The following BLTP3A variants were observed in gnomAD, a reference collection of about 807,000 sequenced individuals.
The protein encoded by BLTP3A is bridge-like lipid transfer protein family member 3A.
At chr6:34,859,761 T>C in the BLTP3A span, among the ~76,000 whole-genome samples, 1 of 152,244 alleles carries the variant, frequency 6.6e-6, no homozygotes, top group African/African-American at 2.4e-5. Context: ...TCAGATTATC[T>C]CCTTTTTCAC....
the BLTP3A span, among the ~76,000 whole-genome samples, chr6:34,825,209 T>G: frequency 1.3e-5 from 2 of 152,238 alleles, no homozygotes; most frequent in Non-Finnish European, 2.9e-5. Flanking sequence ...TCTGGTAGAT[T>G]TAAAGGCTTG....
At chr6:34,803,405 T>C in the BLTP3A span, among the ~76,000 whole-genome samples, 1 of 152,118 alleles carries the variant, frequency 6.6e-6, no homozygotes, top group Admixed American at 6.6e-5. Context: ...ATGCCCCCAG[T>C]TGCTCTGATT....
the BLTP3A span, among the ~76,000 whole-genome samples, chr6:34,870,675 C>T: frequency 6.6e-6 from 1 of 152,184 alleles, no homozygotes. Context: ...GGTTCAGATC[C>T]TCTCCTTGCT....
chr6:34,835,588 T>A, the BLTP3A span: 1 of 1,113,692 alleles, frequency 9.0e-7, no homozygotes, highest in Non-Finnish European at 1.2e-6. Context: ...TGGGTATTCA[T>A]AGGCTTTGCC....
At chr6:34,855,781 C>A in the BLTP3A span, 3 of 1,596,482 alleles carry the variant, frequency 1.9e-6, no homozygotes, top group East Asian at 6.8e-5. Flanking sequence ...CATCCCTGAC[C>A]GCTTAACAGG....
chr6:34,867,493 G>A, the BLTP3A span: 18 of 1,614,168 alleles, frequency 1.1e-5, no homozygotes, highest in Non-Finnish European at 1.5e-5. Flanking sequence ...GAAGGTGAAT[G>A]AGGTGTCTTT....
chr6:34,876,689 G>A, the BLTP3A span: 11 of 152,266 alleles, frequency 7.2e-5, no homozygotes, highest in African/African-American at 2.2e-4. Flanking sequence ...GGGTTTCAGA[G>A]AGAATCTGGT....
At chr6:34,819,494 A>T in the BLTP3A span, among the ~76,000 whole-genome samples, 1 of 152,148 alleles carries the variant, frequency 6.6e-6, no homozygotes, top group African/African-American at 2.4e-5. Context: ...CTGTTGGGTC[A>T]TCATTTGGAT....
At chr6:34,840,655 G>A in the BLTP3A span, among the ~76,000 whole-genome samples, 3 of 150,802 alleles carry the variant, frequency 2.0e-5, no homozygotes, top group South Asian at 2.1e-4. Flanking sequence ...TCGCTCTGTC[G>A]CCCAGGCTGG....
chr6:34,856,706 A>C, the BLTP3A span: 6 of 1,520,392 alleles, frequency 3.9e-6, no homozygotes, highest in Non-Finnish European at 5.4e-6. Context: ...AACATTAATG[A>C]TCTTAGGATT....
chr6:34,821,878 C>G, the BLTP3A span: 1 of 1,614,134 alleles, frequency 6.2e-7, no homozygotes, highest in East Asian at 2.2e-5. Context: ...TCTGGAGGGT[C>G]AGCTACCACA....
the BLTP3A span, among the ~76,000 whole-genome samples, chr6:34,842,050 A>G: frequency 1.3e-5 from 2 of 152,194 alleles, no homozygotes; most frequent in African/African-American, 4.8e-5. Flanking sequence ...TGTGTTTACA[A>G]TTAGATATGT....
At chr6:34,812,862 ATATGT>A in the BLTP3A span, among the ~76,000 whole-genome samples, 1 of 152,168 alleles carries the variant, frequency 6.6e-6, no homozygotes, top group African/African-American at 2.4e-5. Flanking sequence ...TTAGTGATTG[ATATGT>A]TTTGTTTGGA....
At chr6:34,799,950 A>G in the BLTP3A span, among the ~76,000 whole-genome samples, 1 of 151,270 alleles carries the variant, frequency 6.6e-6, no homozygotes, top group Non-Finnish European at 1.5e-5. Context: ...ACTTTTCCAG[A>G]TGTCTAATTC....
At chr6:34,821,779 C>T in the BLTP3A span, 1 of 1,614,138 alleles carries the variant, frequency 6.2e-7, no homozygotes, top group Non-Finnish European at 8.5e-7. Context: ...CCTGGTTAGC[C>T]ATCACTCGGG....
the BLTP3A span, among the ~76,000 whole-genome samples, chr6:34,797,192 C>T: frequency 6.6e-6 from 1 of 152,112 alleles, no homozygotes; most frequent in African/African-American, 2.4e-5. Flanking sequence ...ATGACAGAAA[C>T]CCGGCTAGCT....
the BLTP3A span, among the ~76,000 whole-genome samples, chr6:34,846,922 A>T: frequency 6.6e-6 from 1 of 152,138 alleles, no homozygotes; most frequent in Non-Finnish European, 1.5e-5. Flanking sequence ...ACATTTTGTT[A>T]TGTTGAGTTA....
the BLTP3A span, chr6:34,864,243 G>A: frequency 6.4e-7 from 1 of 1,570,816 alleles, no homozygotes; most frequent in Non-Finnish European, 8.7e-7. Flanking sequence ...GTCCAGAAAG[G>A]GTTCTCTCTG....
At chr6:34,820,970 T>C in the BLTP3A span, among the ~76,000 whole-genome samples, 3 of 145,126 alleles carry the variant, frequency 2.1e-5, no homozygotes, top group Non-Finnish European at 3.0e-5. Flanking sequence ...GTTTTTTTTT[T>C]TTTGAGATGG....
Sources: allele counts gnomAD v4.1 joint callset (sites outside exome capture counted in the v4.1 genomes callset), GRCh38; gene constraint gnomAD v4.1.1; transcripts MANE v1.5; gene names NCBI Gene and HGNC (gene_info 2026-07-23, HGNC 2026-07-21).